The following POLB variants were observed in gnomAD, a reference collection of about 807,000 sequenced individuals.
POLB encodes 5'-dRP lyase.
A neutral mutation model predicts 52.7 loss-of-function variants in POLB; 37 were observed. That is an observed-to-expected ratio of 0.70 (90% CI 0.54 to 0.92). The LOEUF (loss-of-function observed/expected upper bound fraction) is 0.92. Among genes scored for constraint, POLB ranks in the 40% least tolerant of loss-of-function variants. The pLI, the probability that POLB is intolerant of heterozygous loss-of-function variation, is 0.00. For missense variants in POLB, 313 were observed against 400.8 expected, an observed-to-expected ratio of 0.78 and a Z score of 1.87; for synonymous variants, 138 against 131.3, an observed-to-expected ratio of 1.05 and a Z score of -0.35.
At position 42,357,159 on chromosome 8, in the gene POLB, G is replaced by C. The variant is rs764373578; in HGVS notation, c.423-10G>C. 2 of 1,462,744 alleles carry C rather than the reference G, an allele frequency of 1.4e-6. No individual in the cohort carries two copies. Among genetic ancestry groups the C allele is most frequent in the Admixed American group, 1.7e-5 (1 of 57,848 alleles). 90.6% of individuals were successfully genotyped at this position (1,462,744 alleles called of 1,614,324 possible). On this transcript the variant is annotated splice_polypyrimidine_tract_variant and intron_variant, in intron 7 of 13. Coordinates refer to ENST00000265421, the MANE Select transcript of POLB (RefSeq NM_002690.3). ...CGAAAATCTTTTGTCTACTTATTCT[G>C]TCTTTATAGATATTTTGGGGACTTT... is the stretch of plus-strand genomic sequence containing the variant.
chr8:42,363,873 T>G (rs953197078), intron 11 of POLB, among the ~76,000 whole-genome samples: 1 of 151,772 alleles, frequency 6.6e-6, no homozygotes, highest in Admixed American at 6.6e-5. Context: ...GATTAATAAA[T>G]GATTCTGTAT....
intron 6 of POLB, among the ~76,000 whole-genome samples, chr8:42,352,772 G>A (rs1263810354): frequency 2.6e-5 from 4 of 152,118 alleles, no homozygotes; most frequent in Non-Finnish European, 5.9e-5. Context: ...AACTAACTCA[G>A]AGAAAACTAA....
chr8:42,338,997 T>C lies in POLB; in HGVS notation c.62-15T>C. 1 of 1,611,724 alleles carries C rather than the reference T, an allele frequency of 6.2e-7. No individual in the cohort carries two copies. Among genetic ancestry groups the C allele is most frequent in the Non-Finnish European group, 8.5e-7 (1 of 1,177,756 alleles). On this transcript the variant is annotated splice_polypyrimidine_tract_variant and intron_variant, in intron 1 of 13. Coordinates refer to ENST00000265421, the MANE Select transcript of POLB (RefSeq NM_002690.3). The stretch of plus-strand genomic sequence containing the variant: ...TCGTGGTTCTTGTTCACCCGAGCCT[T>C]CTGTTGCCTTTCAGAACTCGCAAAC...
intron 5 of POLB, among the ~76,000 whole-genome samples, chr8:42,351,051 C>G (rs1456828009): frequency 6.6e-6 from 1 of 151,886 alleles, no homozygotes; most frequent in Non-Finnish European, 1.5e-5. Context: ...ATTTTTGTAT[C>G]TTTTGTAGAG....
At chr8:42,350,472 T>C (rs987026475) in intron 5 of POLB, among the ~76,000 whole-genome samples, 15 of 152,092 alleles carry the variant, frequency 9.9e-5, no homozygotes, top group African/African-American at 3.4e-4. Context: ...TGAGACAGGG[T>C]TGCTATGTTG....
In POLB at chr8:42,338,523, T is replaced by G; in HGVS notation, c.-102T>G. 2 of 1,007,004 alleles carry G rather than the reference T, an allele frequency of 2.0e-6. No individual in the cohort carries two copies. Among genetic ancestry groups the G allele is most frequent in the Non-Finnish European group, 3.1e-6 (2 of 637,606 alleles). The allele number at this position is 1,007,004 out of a possible 1,614,324, so 62.4% of individuals were successfully genotyped here. A position where few individuals can be genotyped will look rare whatever the true frequency, so the allele number is the denominator to read the frequency against. Reference sequence around the variant, plus strand: ...TTCCGCCGGTCGCGCCGGAGCTGGGTTGCTCCTGCTCCCGTCTCCAAGTCC... The same window carrying G: ...TTCCGCCGGTCGCGCCGGAGCTGGGGTGCTCCTGCTCCCGTCTCCAAGTCC... On this transcript the variant is annotated 5_prime_UTR_variant, in exon 1 of 14. Coordinates refer to ENST00000265421, the MANE Select transcript of POLB (RefSeq NM_002690.3).
chr8:42,350,167 C>A, intron 5 of POLB, 102 bp downstream of exon 5: 2 of 797,488 alleles, frequency 2.5e-6, no homozygotes, highest in East Asian at 2.4e-5. Context: ...ACTTCACCAC[C>A]TCTGTACCTT....
intron 2 of POLB, among the ~76,000 whole-genome samples, chr8:42,341,575 T>C (rs2130771563): frequency 6.6e-6 from 1 of 152,364 alleles, no homozygotes; most frequent in South Asian, 2.1e-4. Context: ...ATTGAAATTA[T>C]AGACAGAATA....
intron 2 of POLB, chr8:42,342,278 C>CA (rs1822251094): frequency 3.9e-6 from 6 of 1,540,030 alleles, no homozygotes; most frequent in Admixed American, 3.3e-5. Context: ...ACTTGGCCTT[C>CA]ATAGATCTTG....
chr8:42,339,081 C>T lies in POLB; in HGVS notation c.119+12C>T, dbSNP rs1207537562. 6.2e-7 allele frequency: 1 copy of T among 1,602,958 alleles called. No individual in the cohort carries two copies. Among genetic ancestry groups the T allele is most frequent in the Non-Finnish European group, 8.5e-7 (1 of 1,169,808 alleles). ...TACAATGCTTACAGGTGGGACAGTG[C>T]AGCATTCTCGGGTAGCATACGTTCT... On this transcript the variant is annotated intron_variant, in intron 2 of 13. Coordinates refer to ENST00000265421, the MANE Select transcript of POLB (RefSeq NM_002690.3).
chr8:42,339,439 C>G (rs1044546729), intron 2 of POLB: 2 of 236,600 alleles, frequency 8.5e-6, no homozygotes, highest in African/African-American at 4.6e-5. Context: ...TAAAGTTGAT[C>G]CTGTGGGATC....
intron 9 of POLB, 32 bp downstream of exon 9, chr8:42,357,424 G>T: frequency 8.3e-7 from 1 of 1,211,382 alleles, no homozygotes; most frequent in Non-Finnish European, 1.2e-6. Context: ...GGTTATTTTT[G>T]CCCTGATGTT....
intron 2 of POLB, among the ~76,000 whole-genome samples, chr8:42,342,816 A>G (rs556586107): frequency 6.6e-6 from 1 of 152,222 alleles, no homozygotes; most frequent in South Asian, 2.1e-4. Context: ...GCAACATAGC[A>G]ACATCCCATC....
chr8:42,357,067 A>T, intron 7 of POLB, 102 bp from the exon 8 acceptor site: 1 of 666,484 alleles, frequency 1.5e-6, no homozygotes, highest in Non-Finnish European at 2.7e-6. Context: ...TGTGAGAATG[A>T]TCTGCTGGTA....
At chr8:42,353,649 C>T (rs1189765070) in intron 6 of POLB, among the ~76,000 whole-genome samples, 1 of 151,582 alleles carries the variant, frequency 6.6e-6, no homozygotes, top group African/African-American at 2.4e-5. Context: ...CATATGGATT[C>T]ATTACAGCAT....
chr8:42,340,216 G>C (rs1822115353), intron 2 of POLB: 1 of 152,086 alleles, frequency 6.6e-6, no homozygotes, highest in Admixed American at 6.6e-5. Flanking sequence ...TTTAATGTTG[G>C]TATAGGTTGA....
At chr8:42,351,988 C>T (rs1823001471) in intron 5 of POLB, among the ~76,000 whole-genome samples, 2 of 152,198 alleles carry the variant, frequency 1.3e-5, no homozygotes, top group South Asian at 4.1e-4. Flanking sequence ...ACGTTTTTCT[C>T]TTTGATCCCC....
At chr8:42,354,050 G>A (rs1427635783) in intron 6 of POLB, among the ~76,000 whole-genome samples, 1 of 152,136 alleles carries the variant, frequency 6.6e-6, no homozygotes, top group Non-Finnish European at 1.5e-5. Flanking sequence ...TGAGAGAATT[G>A]ATTGGCTAAA....
At chr8:42,368,877 GC>G (rs1824202978) in intron 11 of POLB, 2 of 154,198 alleles carry the variant, frequency 1.3e-5, no homozygotes, top group Admixed American at 1.3e-4. Flanking sequence ...ATTACTGGAA[GC>G]TTTTTTGTTT....
Sources: gnomAD v4.1 joint callset for allele counts (sites outside exome capture counted in the v4.1 genomes callset) on GRCh38, gnomAD v4.1.1 for gene constraint, MANE v1.5 for transcripts, NCBI Gene and HGNC (gene_info 2026-07-23, HGNC 2026-07-21) for gene names.